Variants in CSMD1 observed in about 807,000 individuals in gnomAD.
CSMD1 encodes the protein CUB and Sushi multiple domains 1, also known as CUB and sushi domain-containing protein 1.
In CSMD1, 213 loss-of-function variants were observed where a neutral mutation model predicts 417.5. The ratio of observed to expected loss-of-function variants is 0.51; its 90% CI spans 0.46 to 0.57. CSMD1 has a LOEUF of 0.57. Ranked by LOEUF, CSMD1 falls within the 20% of genes least tolerant of loss-of-function variation. The pLI is 0.00. For missense variants in CSMD1, 6,923 were observed against 4,529.7 expected (o/e 1.53, Z -15.17); for synonymous variants, 2,862 against 1,736.8 (o/e 1.65, Z -16.11).
rs190317442 is a variant in CSMD1 at position 3,374,606 on chromosome 8, C to G, written c.2783-5236G>C. 1.0e-3 allele frequency among the ~76,000 whole-genome samples: 152 copies of G among 152,266 alleles called. 1 individual carries two copies. Among genetic ancestry groups the G allele is most frequent in the Middle Eastern group, 3.4e-3 (1 of 292 alleles). Reference sequence around the variant, plus strand: ...ACAAAGTGATGAATGCACATCCTGGCAAATGTCCACTCCCAGGATGGTGAG... The same window carrying G: ...ACAAAGTGATGAATGCACATCCTGGGAAATGTCCACTCCCAGGATGGTGAG... On this transcript the variant is annotated intron_variant, in intron 18 of 69. Transcript: ENST00000635120.
intron 3 of CSMD1, among the ~76,000 whole-genome samples, chr8:4,234,928 T>C (rs927196789): frequency 6.6e-6 from 1 of 152,184 alleles, no homozygotes; most frequent in Admixed American, 6.5e-5. Flanking sequence ...CTGTTGTAAC[T>C]GATGTGCTAA....
At chr8:4,143,421 C>G (rs561455242) in intron 3 of CSMD1, among the ~76,000 whole-genome samples, 2 of 147,304 alleles carry the variant, frequency 1.4e-5, no homozygotes, top group African/African-American at 2.6e-5. Context: ...GGAACCCAGG[C>G]TGAAAGTTCG....
chr8:4,453,933 T>TA (rs1799315266), intron 2 of CSMD1, among the ~76,000 whole-genome samples: 1 of 144,506 alleles, frequency 6.9e-6, no homozygotes, highest in Non-Finnish European at 1.5e-5. Flanking sequence ...AGCATTCTCC[T>TA]GCCTCAGCCT....
chr8:3,141,936 T>C (rs1395937705), intron 41 of CSMD1, among the ~76,000 whole-genome samples: 2 of 151,750 alleles, frequency 1.3e-5, no homozygotes, highest in African/African-American at 2.4e-5. Flanking sequence ...TAGCTGGGAC[T>C]ACAGGCGCCC....
chr8:3,218,617 A>G (rs1213825528), intron 29 of CSMD1, among the ~76,000 whole-genome samples: 2 of 151,648 alleles, frequency 1.3e-5, no homozygotes, highest in East Asian at 1.9e-4. Context: ...CACGTCTATA[A>G]TCACAGCACT....
chr8:4,318,328 G>C (rs1016001098), intron 3 of CSMD1, among the ~76,000 whole-genome samples: 1 of 151,932 alleles, frequency 6.6e-6, no homozygotes, highest in Non-Finnish European at 1.5e-5. Flanking sequence ...TTTACCATTA[G>C]GTCATCCATC....
At chr8:3,670,733 TG>T (rs1471924555) in intron 7 of CSMD1, among the ~76,000 whole-genome samples, 4 of 107,738 alleles carry the variant, frequency 3.7e-5, no homozygotes, top group Admixed American at 3.7e-4. Flanking sequence ...TATACATGTA[TG>T]GGATGTATGT....
chr8:3,615,687 T>C (rs1274167074), intron 8 of CSMD1, among the ~76,000 whole-genome samples: 1 of 152,200 alleles, frequency 6.6e-6, no homozygotes, highest in East Asian at 1.9e-4. Flanking sequence ...CCTTCTTTCC[T>C]CTCTAATAGT....
intron 3 of CSMD1, among the ~76,000 whole-genome samples, chr8:4,251,893 G>GGAGGGGAAGGGAGC (rs1803107674): frequency 1.4e-5 from 2 of 147,048 alleles, no homozygotes; most frequent in African/African-American, 5.1e-5. Context: ...GGGAAGGGAG[G>GGAGGGGAAGGGAGC]GGAGGGGAGG....
intron 10 of CSMD1, among the ~76,000 whole-genome samples, chr8:3,505,195 T>G (rs1796773223): frequency 2.0e-5 from 3 of 152,068 alleles, no homozygotes; most frequent in South Asian, 4.2e-4. Context: ...AATGAGAGAC[T>G]GGGAATGTAA....
intron 23 of CSMD1, among the ~76,000 whole-genome samples, chr8:3,319,561 A>G (rs1015313139): frequency 1.3e-5 from 2 of 152,224 alleles, no homozygotes; most frequent in African/African-American, 2.4e-5. Context: ...ATATAATTCT[A>G]TGCTTTCAAA....
At chr8:3,722,512 A>T (rs1273519789) in intron 6 of CSMD1, among the ~76,000 whole-genome samples, 2 of 152,092 alleles carry the variant, frequency 1.3e-5, no homozygotes, top group Admixed American at 6.5e-5. Flanking sequence ...GGTCTGTCTT[A>T]CCTTTGAGTT....
chr8:3,077,503 T>C (rs1813768028), intron 49 of CSMD1, among the ~76,000 whole-genome samples: 1 of 152,180 alleles, frequency 6.6e-6, no homozygotes, highest in Non-Finnish European at 1.5e-5. Context: ...CCTGTGATGG[T>C]CTCTGGGCAG....
At chr8:4,933,422 G>A (rs924925430) in intron 1 of CSMD1, among the ~76,000 whole-genome samples, 2 of 152,074 alleles carry the variant, frequency 1.3e-5, no homozygotes, top group Non-Finnish European at 2.9e-5. Flanking sequence ...TCATATTTTG[G>A]GTCTTTGTGT....
At chr8:3,363,672 C>T (rs559792832) in intron 20 of CSMD1, among the ~76,000 whole-genome samples, 7 of 152,270 alleles carry the variant, frequency 4.6e-5, no homozygotes, top group Non-Finnish European at 7.4e-5. Context: ...CGACCACAGG[C>T]GCCTGCCACC....
chr8:3,821,684 A>C (rs563253899), intron 5 of CSMD1, among the ~76,000 whole-genome samples: 8 of 152,334 alleles, frequency 5.3e-5, no homozygotes, highest in Non-Finnish European at 8.8e-5. Flanking sequence ...CAGGAGGCTG[A>C]GGCAAGAGAA....
chr8:3,917,705 G>C (rs1036829575), intron 5 of CSMD1, among the ~76,000 whole-genome samples: 1 of 152,042 alleles, frequency 6.6e-6, no homozygotes, highest in Non-Finnish European at 1.5e-5. Context: ...TTGTTTTGGA[G>C]ATACGTATAT....
intron 1 of CSMD1, among the ~76,000 whole-genome samples, chr8:4,685,042 C>G (rs1806284156): frequency 6.6e-6 from 1 of 152,174 alleles, no homozygotes; most frequent in Non-Finnish European, 1.5e-5. Context: ...CAGCTTCCAA[C>G]ATGATTCTTC....
chr8:4,386,096 A>T (rs78464494), intron 3 of CSMD1, among the ~76,000 whole-genome samples: 1 of 152,058 alleles, frequency 6.6e-6, no homozygotes, highest in Non-Finnish European at 1.5e-5. Context: ...CTCTCGCTGT[A>T]CCCAGAATCT....
Sources: gnomAD v4.1 joint callset for allele counts (sites outside exome capture counted in the v4.1 genomes callset) on GRCh38, gnomAD v4.1.1 for gene constraint, MANE v1.5 for transcripts, NCBI Gene and HGNC (gene_info 2026-07-23, HGNC 2026-07-21) for gene names.